The following EHBP1 variants were observed in gnomAD, a reference collection of about 807,000 sequenced individuals.
EHBP1 encodes the protein EH domain-binding protein 1.
Under a neutral mutation model 144.0 loss-of-function variants are expected in EHBP1, and 55 were observed. That is an observed-to-expected ratio of 0.38 (90% CI 0.31 to 0.48). The LOEUF is 0.48. Ranked by LOEUF, EHBP1 falls within the 20% of genes least tolerant of loss-of-function variation. The pLI is 0.98. For synonymous variants in EHBP1, 469 were observed against 472.7 expected (o/e 0.99, Z 0.10); for missense variants, 1,200 against 1,364.2 (o/e 0.88, Z 1.90).
chr2:62,851,066 A>T (rs1573708674), intron 7 of EHBP1, among the ~76,000 whole-genome samples: 1 of 152,062 alleles, frequency 6.6e-6, no homozygotes, highest in East Asian at 1.9e-4. Context: ...TTAATCATCA[A>T]ATCTTCTTAA....
intron 4 of EHBP1, among the ~76,000 whole-genome samples, chr2:62,767,452 C>CT (rs756594646): frequency 2.6e-5 from 4 of 152,014 alleles, no homozygotes; most frequent in Non-Finnish European, 4.4e-5. Context: ...AATCCCGACA[C>CT]TTTGGGAGGC....
chr2:62,762,059 T>C (rs2040813122), intron 3 of EHBP1, among the ~76,000 whole-genome samples: 1 of 152,152 alleles, frequency 6.6e-6, no homozygotes, highest in African/African-American at 2.4e-5. Context: ...CACCTCAGCC[T>C]CCCAAGTAGC....
intron 2 of EHBP1, among the ~76,000 whole-genome samples, chr2:62,729,924 T>G (rs1188797576): frequency 6.6e-6 from 1 of 152,056 alleles, no homozygotes; most frequent in Non-Finnish European, 1.5e-5. Context: ...AGTTTTAATA[T>G]GTACAGACAT....
chr2:62,970,980 A>C (rs2058471488), intron 14 of EHBP1, among the ~76,000 whole-genome samples: 1 of 152,230 alleles, frequency 6.6e-6, no homozygotes, highest in Admixed American at 6.5e-5. Flanking sequence ...TAAAAATTGC[A>C]TACCAATACA....
chr2:62,864,642 A>G, intron 8 of EHBP1, 89 bp from the exon 9 acceptor site: 2 of 1,283,102 alleles, frequency 1.6e-6, no homozygotes, highest in Non-Finnish European at 2.2e-6. Flanking sequence ...TTATTAATTC[A>G]ATAATGCATA....
At chr2:62,834,572 G>T (rs2047068256) in intron 7 of EHBP1, among the ~76,000 whole-genome samples, 1 of 152,204 alleles carries the variant, frequency 6.6e-6, no homozygotes, top group African/African-American at 2.4e-5. Flanking sequence ...ACACTTAATA[G>T]ACTATAGTAT....
intron 10 of EHBP1, among the ~76,000 whole-genome samples, chr2:62,908,569 G>A (rs1383129235): frequency 2.0e-5 from 3 of 151,704 alleles, no homozygotes; most frequent in Non-Finnish European, 2.9e-5. Flanking sequence ...TATATATCCT[G>A]GTAAGACTTA....
At chr2:62,887,353 AAATGTG>A (rs1442394611) in intron 10 of EHBP1, among the ~76,000 whole-genome samples, 1 of 152,162 alleles carries the variant, frequency 6.6e-6, no homozygotes, top group Admixed American at 6.5e-5. Context: ...TACTTATTTA[AAATGTG>A]AATGTAAATG....
At chr2:62,935,037 A>G (rs1042932627) in intron 10 of EHBP1, among the ~76,000 whole-genome samples, 4 of 152,114 alleles carry the variant, frequency 2.6e-5, no homozygotes, top group Admixed American at 2.6e-4. Context: ...ATGAATAAAT[A>G]TCTCCATCTT....
intron 10 of EHBP1, among the ~76,000 whole-genome samples, chr2:62,918,844 C>T (rs917284103): frequency 9.2e-5 from 14 of 152,102 alleles, no homozygotes; most frequent in Admixed American, 7.2e-4. Flanking sequence ...GAGAAAATAA[C>T]GGGGTAGCAA....
chr2:62,988,089 G>A (rs1299810359), intron 15 of EHBP1: 1 of 1,043,168 alleles, frequency 9.6e-7, no homozygotes, highest in African/African-American at 1.6e-5. Context: ...CAAACTTTAT[G>A]GTTATATTTT....
intron 5 of EHBP1, among the ~76,000 whole-genome samples, chr2:62,786,845 T>A (rs2042840296): frequency 6.6e-6 from 1 of 152,190 alleles, no homozygotes; most frequent in Non-Finnish European, 1.5e-5. Context: ...AATTTTGAAT[T>A]GCATGTTATC....
intron 5 of EHBP1, among the ~76,000 whole-genome samples, chr2:62,801,482 T>C (rs2043983014): frequency 1.3e-5 from 2 of 152,252 alleles, no homozygotes; most frequent in Non-Finnish European, 2.9e-5. Context: ...ATACATCCCT[T>C]CTTTCAGGTG....
chr2:62,894,952 A>AGATT (rs1234761132), intron 10 of EHBP1, among the ~76,000 whole-genome samples: 1 of 151,502 alleles, frequency 6.6e-6, no homozygotes, highest in Non-Finnish European at 1.5e-5. Context: ...AGAGAGAGAG[A>AGATT]GAGAATGCTG....
At chr2:62,905,517 G>A (rs2053729444) in intron 10 of EHBP1, among the ~76,000 whole-genome samples, 1 of 152,012 alleles carries the variant, frequency 6.6e-6, no homozygotes, top group Admixed American at 6.5e-5. Flanking sequence ...GATATAATCA[G>A]GTACATGCTT....
intron 2 of EHBP1, among the ~76,000 whole-genome samples, chr2:62,738,090 T>G (rs1274259266): frequency 1.3e-5 from 2 of 152,234 alleles, no homozygotes; most frequent in East Asian, 3.9e-4. Flanking sequence ...GTAGCCTTCC[T>G]AATGGGTATG....
At chr2:62,816,402 ATAGAG>A (rs2045452960) in intron 5 of EHBP1, among the ~76,000 whole-genome samples, 1 of 152,190 alleles carries the variant, frequency 6.6e-6, no homozygotes, top group Non-Finnish European at 1.5e-5. Context: ...TTAGCTTTTA[ATAGAG>A]TAAATATTGA....
chr2:62,985,719 A>G (rs564050345), intron 15 of EHBP1, among the ~76,000 whole-genome samples: 5 of 152,124 alleles, frequency 3.3e-5, no homozygotes, highest in Non-Finnish European at 4.4e-5. Context: ...CCTCCCCTCA[A>G]TTGTACCTCT....
chr2:62,941,556 G>C (rs570292556), intron 10 of EHBP1, among the ~76,000 whole-genome samples: 1 of 152,226 alleles, frequency 6.6e-6, no homozygotes, highest in African/African-American at 2.4e-5. Flanking sequence ...TCTCACAAAA[G>C]CAGTGAATGC....
Sources: gnomAD v4.1 joint callset for allele counts (sites outside exome capture counted in the v4.1 genomes callset) on GRCh38, gnomAD v4.1.1 for gene constraint, MANE v1.5 for transcripts, NCBI Gene and HGNC (gene_info 2026-07-23, HGNC 2026-07-21) for gene names.